Variants in RBFOX3 observed in about 807,000 individuals in gnomAD.
RBFOX3 encodes RNA binding protein fox-1 homolog 3.
A neutral mutation model predicts 48.7 loss-of-function variants in RBFOX3; 17 were observed. The observed-to-expected ratio is 0.35, with a 90% CI of 0.24 to 0.52. The LOEUF (loss-of-function observed/expected upper bound fraction) is 0.52, where lower values mean the gene tolerates loss of function less well. RBFOX3 is among the 20% of genes least tolerant of loss of function. The probability of loss-of-function intolerance (pLI) is 0.94; values close to 1 mark genes in which losing one functional copy is unlikely to be tolerated. For missense variants in RBFOX3, 382 were observed against 497.5 expected, an observed-to-expected ratio of 0.77 and a Z score of 2.21; for synonymous variants, 212 against 209.5, an observed-to-expected ratio of 1.01 and a Z score of -0.10.
chr17:79,443,594 G>C lies in RBFOX3; in HGVS notation c.-175+38860C>G, dbSNP rs1555736336. Among the ~76,000 whole-genome samples, 2 of 152,090 alleles carry C rather than the reference G, an allele frequency of 1.3e-5. No homozygotes were observed. Among genetic ancestry groups the C allele is most frequent in the Non-Finnish European group, 2.9e-5 (2 of 68,004 alleles). On this transcript the variant is annotated intron_variant, in intron 2 of 14. Transcript: ENST00000693108. The surrounding 1 kb of genome is among the most constrained non-coding windows in gnomAD (Gnocchi z 4.4). ...GATGGGGTTTCACCATGTTGGCCAG[G>C]CTGGCCACAAACTCCTGACCTCAGG... is the stretch of plus-strand genomic sequence containing the variant.
chr17:79,445,578 C>A (rs1184977201), intron 2 of RBFOX3, among the ~76,000 whole-genome samples: 1 of 152,224 alleles, frequency 6.6e-6, no homozygotes, highest in East Asian at 1.9e-4. Context: ...CCCTCCTCCC[C>A]TGTGATTTCC....
chr17:79,357,282 A>G (rs1022404016), intron 2 of RBFOX3, among the ~76,000 whole-genome samples: 1 of 152,226 alleles, frequency 6.6e-6, no homozygotes, highest in East Asian at 1.9e-4. Flanking sequence ...AAAACGAAAC[A>G]AAACAAACAC....
intron 2 of RBFOX3, among the ~76,000 whole-genome samples, chr17:79,333,397 T>C (rs1481086013): frequency 1.3e-5 from 2 of 152,182 alleles, no homozygotes; most frequent in Non-Finnish European, 2.9e-5. Flanking sequence ...ACTGTTTAAT[T>C]CTCATCCCTT....
chr17:79,618,289 C>T, the RBFOX3 span, among the ~76,000 whole-genome samples: 2 of 152,180 alleles, frequency 1.3e-5, no homozygotes, highest in African/African-American at 4.8e-5. Context: ...GAACAGGCGC[C>T]GCAGTCCACT....
At chr17:79,428,059 T>C (rs1369282715) in intron 2 of RBFOX3, among the ~76,000 whole-genome samples, 3 of 152,200 alleles carry the variant, frequency 2.0e-5, no homozygotes, top group Non-Finnish European at 2.9e-5. Flanking sequence ...GGTCAACCCC[T>C]ACACTCAGCC....
chr17:79,179,400 T>C (rs942050394), intron 4 of RBFOX3, among the ~76,000 whole-genome samples: 7 of 152,168 alleles, frequency 4.6e-5, no homozygotes, highest in Admixed American at 6.5e-5. Context: ...TGGTGATGTT[T>C]ACCTCAGCAA....
intron 1 of RBFOX3, among the ~76,000 whole-genome samples, chr17:79,503,898 G>A (rs2082706827): frequency 6.6e-6 from 1 of 152,216 alleles, no homozygotes; most frequent in Non-Finnish European, 1.5e-5. Context: ...ACCAGGACGG[G>A]GATGCAAAAC....
chr17:79,598,629 C>G (rs1457894535), intron 1 of RBFOX3: 1 of 152,070 alleles, frequency 6.6e-6, no homozygotes, highest in East Asian at 1.9e-4. Context: ...AAGGGGTGAA[C>G]CTTGGAGGCT....
intron 2 of RBFOX3, among the ~76,000 whole-genome samples, chr17:79,429,202 A>G (rs2067972306): frequency 6.6e-6 from 1 of 152,240 alleles, no homozygotes; most frequent in South Asian, 2.1e-4. Context: ...GGACACCAGC[A>G]CAGAGCTGGG....
intron 1 of RBFOX3, among the ~76,000 whole-genome samples, chr17:79,518,531 G>C (rs953157925): frequency 4.6e-5 from 7 of 152,336 alleles, no homozygotes; most frequent in African/African-American, 1.7e-4. Flanking sequence ...ATACCCACGT[G>C]GGGGAAACAC....
rs1384606485 is a variant in RBFOX3, at chr17:79,480,956, T to G, written c.-175+1498A>C. Among the ~76,000 whole-genome samples the G allele has an allele frequency of 6.6e-6, 1 of 152,096 alleles. No homozygotes were observed. The highest frequency in any genetic ancestry group is 1.5e-5 in the Non-Finnish European group (1 of 68,014). On this transcript the variant is annotated intron_variant, in intron 2 of 14. Coordinates refer to ENST00000693108, the MANE Select transcript of RBFOX3 (RefSeq NM_001350451.2). The surrounding 1 kb of genome is among the most constrained non-coding windows in gnomAD (Gnocchi z 4.8). ...AGCACCCCAAACAGGGCTCAGCACA[T>G]CGGGGGCTCAAGGTTGTGGAATGAA...
chr17:79,575,668 G>A, intron 1 of RBFOX3, among the ~76,000 whole-genome samples: 1 of 152,206 alleles, frequency 6.6e-6, no homozygotes, highest in South Asian at 2.1e-4. Flanking sequence ...GCTAAAAATT[G>A]AACAACTAGG....
chr17:79,507,781 C>G (rs2083387371), intron 1 of RBFOX3, among the ~76,000 whole-genome samples: 4 of 152,190 alleles, frequency 2.6e-5, no homozygotes, highest in African/African-American at 9.7e-5. Flanking sequence ...AGAGTCTCCT[C>G]TCTCCTTTAC....
At chr17:79,264,644 T>C (rs993307676) in intron 3 of RBFOX3, among the ~76,000 whole-genome samples, 3 of 152,200 alleles carry the variant, frequency 2.0e-5, no homozygotes, top group Admixed American at 6.5e-5. Context: ...TGGAGTTTAA[T>C]TCTAGCAAGA....
intron 1 of RBFOX3, among the ~76,000 whole-genome samples, chr17:79,557,804 G>T (rs1384234816): frequency 1.3e-5 from 2 of 152,164 alleles, no homozygotes; most frequent in Non-Finnish European, 2.9e-5. Flanking sequence ...CCACTGCAAG[G>T]CCCCAGTTTT....
At chr17:79,359,224 G>A (rs1460224378) in intron 2 of RBFOX3, among the ~76,000 whole-genome samples, 1 of 152,234 alleles carries the variant, frequency 6.6e-6, no homozygotes, top group Non-Finnish European at 1.5e-5. Flanking sequence ...GCTGACTGCA[G>A]CGCCTACCCC....
chr17:79,546,660 C>A (rs1250355838), intron 1 of RBFOX3, among the ~76,000 whole-genome samples: 3 of 148,532 alleles, frequency 2.0e-5, no homozygotes. Flanking sequence ...GCAGTACCTT[C>A]CTCATTCTAT....
intron 4 of RBFOX3, among the ~76,000 whole-genome samples, chr17:79,165,741 G>T (rs541863986): frequency 6.6e-6 from 1 of 152,340 alleles, no homozygotes; most frequent in South Asian, 2.1e-4. Flanking sequence ...CCACCCCCAG[G>T]TTCTGGAAGC....
chr17:79,569,523 T>C (rs1330921853), intron 1 of RBFOX3, among the ~76,000 whole-genome samples: 3 of 152,258 alleles, frequency 2.0e-5, no homozygotes, highest in Non-Finnish European at 4.4e-5. Flanking sequence ...TGGTGAATGA[T>C]GATGCAGTGA....
Sources: allele counts gnomAD v4.1 joint callset (sites outside exome capture counted in the v4.1 genomes callset), GRCh38; gene constraint gnomAD v4.1.1; non-coding constraint Gnocchi (gnomAD v3.1); transcripts MANE v1.5; gene names NCBI Gene and HGNC (gene_info 2026-07-23, HGNC 2026-07-21).